The following PRTFDC1 variants were observed in gnomAD, a reference collection of about 807,000 sequenced individuals.
PRTFDC1 encodes the protein phosphoribosyl transferase domain containing 1.
PRTFDC1 carries 38 observed loss-of-function variants against 34.6 expected under a neutral mutation model. The ratio of observed to expected loss-of-function variants is 1.10; its 90% CI spans 0.85 to 1.44. PRTFDC1 has a LOEUF of 1.44. Ranked by LOEUF, PRTFDC1 falls within the 40% of genes most tolerant of loss-of-function variation. PRTFDC1 has a pLI of 0.00. For missense variants in PRTFDC1, 270 were observed against 283.0 expected (o/e 0.95, Z 0.33); for synonymous variants, 93 against 98.1 (o/e 0.95, Z 0.31).
At chr10:24,885,690 C>A (rs556807027) in intron 3 of PRTFDC1, among the ~76,000 whole-genome samples, 1 of 152,336 alleles carries the variant, frequency 6.6e-6, no homozygotes, top group Admixed American at 6.5e-5. Context: ...CAGGCATGAG[C>A]CACCGCACCT....
intron 3 of PRTFDC1, among the ~76,000 whole-genome samples, chr10:24,932,688 G>C (rs1848989274): frequency 6.6e-6 from 1 of 151,986 alleles, no homozygotes; most frequent in Non-Finnish European, 1.5e-5. Context: ...AGACTAAATA[G>C]TGTTACAATG....
At chr10:24,909,086 T>C (rs1848585479) in intron 3 of PRTFDC1, among the ~76,000 whole-genome samples, 1 of 152,138 alleles carries the variant, frequency 6.6e-6, no homozygotes, top group African/African-American at 2.4e-5. Flanking sequence ...CTCAAAACCT[T>C]CCTGGGCAAC....
chr10:24,872,739 T>C (rs201260646), intron 3 of PRTFDC1, among the ~76,000 whole-genome samples: 49 of 119,654 alleles, frequency 4.1e-4, no homozygotes, highest in South Asian at 3.7e-3. Context: ...TATATATATA[T>C]ACAAATATAT....
At chr10:24,947,459 G>A (rs1564322184) in intron 1 of PRTFDC1, among the ~76,000 whole-genome samples, 1 of 152,108 alleles carries the variant, frequency 6.6e-6, no homozygotes, top group Non-Finnish European at 1.5e-5. Context: ...TGCTCTAAGT[G>A]TATTCAGTAC....
chr10:24,852,766 C>T (rs1470477740), intron 7 of PRTFDC1, among the ~76,000 whole-genome samples: 1 of 152,020 alleles, frequency 6.6e-6, no homozygotes, highest in Non-Finnish European at 1.5e-5. Context: ...TATTTGCTTA[C>T]TTTTAATGGA....
At chr10:24,898,676 G>T (rs1334703824) in intron 3 of PRTFDC1, among the ~76,000 whole-genome samples, 4 of 152,084 alleles carry the variant, frequency 2.6e-5, no homozygotes, top group Non-Finnish European at 4.4e-5. Context: ...CCAAACTCCA[G>T]TGTGAAAAAT....
chr10:24,909,966 C>T (rs183734425), intron 3 of PRTFDC1, among the ~76,000 whole-genome samples: 59 of 148,010 alleles, frequency 4.0e-4, no homozygotes, highest in African/African-American at 1.3e-3. Flanking sequence ...GCCTGGCCAA[C>T]GTGAGGAAAC....
chr10:24,895,792 TA>T (rs1219235381), intron 3 of PRTFDC1, among the ~76,000 whole-genome samples: 1 of 147,808 alleles, frequency 6.8e-6, no homozygotes, highest in Non-Finnish European at 1.5e-5. Context: ...GGAGACTGAT[TA>T]AAAAATGGAA....
intron 3 of PRTFDC1, among the ~76,000 whole-genome samples, chr10:24,890,373 T>G (rs1384168813): frequency 6.6e-6 from 1 of 152,232 alleles, no homozygotes; most frequent in Non-Finnish European, 1.5e-5. Flanking sequence ...CCACTGAGGC[T>G]GCATACTGGG....
chr10:24,851,519 A>T, intron 7 of PRTFDC1, 55 bp from the exon 8 acceptor site: 1 of 1,580,842 alleles, frequency 6.3e-7, no homozygotes, highest in Non-Finnish European at 8.5e-7. Context: ...GATTATATAA[A>T]TGCAAGTCAC....
At chr10:24,937,490 G>C (rs758963877) in intron 2 of PRTFDC1, 123 bp from the exon 3 acceptor site, 1 of 810,238 alleles carries the variant, frequency 1.2e-6, no homozygotes, top group Non-Finnish European at 1.8e-6. Flanking sequence ...AAAACCTTGG[G>C]AAACAGAAAC....
At chr10:24,876,796 A>G (rs1847973255) in intron 3 of PRTFDC1, among the ~76,000 whole-genome samples, 1 of 151,612 alleles carries the variant, frequency 6.6e-6, no homozygotes, top group South Asian at 2.1e-4. Context: ...CAAACCTCCC[A>G]CCTCAGTCTC....
At chr10:24,918,666 C>A (rs1048723875) in intron 3 of PRTFDC1, among the ~76,000 whole-genome samples, 8 of 152,134 alleles carry the variant, frequency 5.3e-5, no homozygotes, top group African/African-American at 1.9e-4. Context: ...CCTCCCCACT[C>A]AGCCTCCCAA....
chr10:24,900,042 G>T (rs1305089108), intron 3 of PRTFDC1, among the ~76,000 whole-genome samples: 1 of 152,136 alleles, frequency 6.6e-6, no homozygotes, highest in Non-Finnish European at 1.5e-5. Context: ...CTGCTAGCTG[G>T]TGACAGTTTA....
intron 2 of PRTFDC1, among the ~76,000 whole-genome samples, chr10:24,937,912 A>G (rs567726738): frequency 2.1e-4 from 32 of 152,190 alleles, no homozygotes; most frequent in African/African-American, 7.7e-4. Flanking sequence ...ACATCAGAAT[A>G]TCTGGCATGC....
At chr10:24,857,695 C>A (rs1847606311) in intron 5 of PRTFDC1, among the ~76,000 whole-genome samples, 1 of 151,974 alleles carries the variant, frequency 6.6e-6, no homozygotes, top group African/African-American at 2.4e-5. Context: ...TTATACTGAG[C>A]AAGAACTCCA....
intron 3 of PRTFDC1, among the ~76,000 whole-genome samples, chr10:24,907,433 A>G (rs964798908): frequency 1.3e-5 from 2 of 152,042 alleles, no homozygotes; most frequent in Non-Finnish European, 2.9e-5. Context: ...CATCTCTACT[A>G]AAAAATATAA....
rs569691895 is a variant in PRTFDC1 at position 24,890,232 on chromosome 10, C to A, written c.340-18169G>T. 2.0e-5 allele frequency among the ~76,000 whole-genome samples: 3 copies of A among 152,098 alleles called. No individual in the cohort carries two copies. In the South Asian group the frequency reaches 6.2e-4, roughly 32 times the overall value. On this transcript the variant is annotated intron_variant, in intron 3 of 8. Transcript: ENST00000320152. ...CTTTGAGCATGAGAAATGTGAGGTT[C>A]GATATCAGAAGCTACTATTGAGTAC... is the stretch of plus-strand genomic sequence containing the variant.
rs549914405 is a variant in PRTFDC1 at position 24,952,351 on chromosome 10, G to T, written c.48+177C>A. Among the ~76,000 whole-genome samples the T allele has an allele frequency of 6.6e-6, 1 of 152,064 alleles. No homozygotes were observed. Reference sequence around the variant, plus strand: ...AGGGACGGGACTCAGAGTTTCGTCAGATTGGGGGCGGGGAGAGGAGGCCCG... The same window carrying T: ...AGGGACGGGACTCAGAGTTTCGTCATATTGGGGGCGGGGAGAGGAGGCCCG... On this transcript the variant is annotated intron_variant, in intron 1 of 8. Coordinates refer to ENST00000320152, the MANE Select transcript of PRTFDC1 (RefSeq NM_020200.7). The surrounding 1 kb of genome is among the most constrained non-coding windows in gnomAD (Gnocchi z 5.1).
Sources: gnomAD v4.1 joint callset for allele counts (sites outside exome capture counted in the v4.1 genomes callset) on GRCh38, gnomAD v4.1.1 for gene constraint, Gnocchi (gnomAD v3.1) non-coding constraint, MANE v1.5 for transcripts, NCBI Gene and HGNC (gene_info 2026-07-23, HGNC 2026-07-21) for gene names.